Variants in SLC24A2 observed in about 807,000 individuals in gnomAD.
SLC24A2 encodes sodium/potassium/calcium exchanger 2.
In SLC24A2, 36 loss-of-function variants were observed where a neutral mutation model predicts 62.0. The ratio of observed to expected loss-of-function variants is 0.58; its 90% CI spans 0.44 to 0.77. The LOEUF is 0.77. SLC24A2 is among the 30% of genes least tolerant of loss of function. The pLI, the probability that SLC24A2 is intolerant of heterozygous loss-of-function variation, is 0.00. For synonymous variants in SLC24A2, 358 were observed against 294.0 expected, an observed-to-expected ratio of 1.22 and a Z score of -2.23; for missense variants, 846 against 817.9, an observed-to-expected ratio of 1.03 and a Z score of -0.42.
the SLC24A2 span, among the ~76,000 whole-genome samples, chr9:20,159,229 C>T: frequency 6.6e-6 from 1 of 151,626 alleles, no homozygotes. Flanking sequence ...GAAGAGTCTA[C>T]TAGAGCAATG....
At chr9:19,791,810 A>G (rs1823323513), upstream of SLC24A2, among the ~76,000 whole-genome samples, 1 of 152,226 alleles carries the variant, frequency 6.6e-6, no homozygotes, top group Non-Finnish European at 1.5e-5. Flanking sequence ...AGATTAATCA[A>G]TGGGTCTCTT....
chr9:19,880,437 G>C, the SLC24A2 span, among the ~76,000 whole-genome samples: 1 of 152,190 alleles, frequency 6.6e-6, no homozygotes, highest in Non-Finnish European at 1.5e-5. Flanking sequence ...CATTGGCTTG[G>C]ACTCTGACCC....
At chr9:19,986,313 T>C in the SLC24A2 span, among the ~76,000 whole-genome samples, 2 of 152,232 alleles carry the variant, frequency 1.3e-5, no homozygotes, top group Middle Eastern at 6.8e-3. Flanking sequence ...CCCTTGTACA[T>C]TGCTGGTGGG....
At position 19,509,971 on chromosome 9, in the gene SLC24A2, A is replaced by C. The variant is rs1832655995; in HGVS notation, c.*6182T>G. The C allele has an allele frequency of 6.6e-6, 1 of 152,228 alleles. No individual in the cohort carries two copies. The highest frequency in any genetic ancestry group is 2.4e-5 in the African/African-American group (1 of 41,468). 9.4% of individuals were successfully genotyped at this position (152,228 alleles called of 1,614,324 possible). A position where few individuals can be genotyped will look rare whatever the true frequency, so the allele number is the denominator to read the frequency against. The stretch of plus-strand genomic sequence containing the variant: ...TATAAACACACTGCAGTACTGGTTA[A>C]TAAGTGGAGATCCAATCATTTATCC... On this transcript the variant is annotated 3_prime_UTR_variant, in exon 11 of 11. Transcript: ENST00000341998.
intron 2 of SLC24A2, among the ~76,000 whole-genome samples, chr9:19,709,347 C>A (rs1035652460): frequency 2.6e-5 from 4 of 152,172 alleles, no homozygotes; most frequent in Non-Finnish European, 5.9e-5. Context: ...GTCAGTGTGG[C>A]AATTCCTTGG....
the SLC24A2 span, among the ~76,000 whole-genome samples, chr9:20,068,536 C>T: frequency 4.6e-5 from 7 of 152,238 alleles, no homozygotes; most frequent in East Asian, 7.7e-4. Context: ...AAACAAAACT[C>T]TAAAACTCTT....
intron 10 of SLC24A2, among the ~76,000 whole-genome samples, chr9:19,519,898 G>C (rs149345490): frequency 7.3e-4 from 111 of 152,276 alleles, no homozygotes; most frequent in African/African-American, 2.5e-3. Flanking sequence ...TGCTACAATT[G>C]ATAGCACAGA....
intron 2 of SLC24A2, among the ~76,000 whole-genome samples, chr9:19,764,517 G>C (rs1282362191): frequency 6.6e-6 from 1 of 152,146 alleles, no homozygotes; most frequent in Non-Finnish European, 1.5e-5. Flanking sequence ...GTTCTCATTG[G>C]TTTCAAAGAA....
chr9:20,282,950 T>C, the SLC24A2 span, among the ~76,000 whole-genome samples: 5 of 152,228 alleles, frequency 3.3e-5, no homozygotes, highest in South Asian at 1.0e-3. Flanking sequence ...TATGATAAAT[T>C]CCTCCAAGTA....
intron 2 of SLC24A2, among the ~76,000 whole-genome samples, chr9:19,757,111 T>C (rs888376687): frequency 1.3e-5 from 2 of 151,970 alleles, no homozygotes; most frequent in African/African-American, 4.8e-5. Context: ...TACCTCAAAA[T>C]TCTGGAGTCA....
At position 19,564,540 on chromosome 9, in the gene SLC24A2, GTATC is replaced by G. The variant is rs550822011; in HGVS notation, c.1347+8807_1347+8810del. Among the ~76,000 whole-genome samples, 140 of 71,554 alleles carry G rather than the reference GTATC, an allele frequency of 2.0e-3. 1 individual carries two copies. Among genetic ancestry groups the G allele is most frequent in the African/African-American group, 4.1e-3 (126 of 30,554 alleles). 46.9% of individuals were successfully genotyped at this position (71,554 alleles called of 152,430 possible). ...GTTATCTACCTACCTATCTCTCTCT[GTATC>G]TATCTGTCTATCAATCAATCACATT... On this transcript the variant is annotated intron_variant, in intron 7 of 10. Transcript: ENST00000341998.
the SLC24A2 span, among the ~76,000 whole-genome samples, chr9:20,007,567 A>G: frequency 5.9e-5 from 9 of 152,150 alleles, no homozygotes; most frequent in Non-Finnish European, 1.2e-4. Flanking sequence ...TTATAAATCC[A>G]TTTATGAGTA....
chr9:19,804,448 T>C, the SLC24A2 span, among the ~76,000 whole-genome samples: 2 of 152,172 alleles, frequency 1.3e-5, no homozygotes, highest in Non-Finnish European at 2.9e-5. Context: ...ATTTCAGTTT[T>C]CAATTTTCCA....
At chr9:19,635,250 T>G (rs73646350) in intron 2 of SLC24A2, among the ~76,000 whole-genome samples, 3,683 of 152,322 alleles carry the variant, frequency 0.024, 160 homozygotes, top group African/African-American at 0.082. Flanking sequence ...ATTAAAAATC[T>G]GTTCTAGAAT....
chr9:19,705,269 C>G (rs181828748), intron 2 of SLC24A2: 1 of 152,572 alleles, frequency 6.6e-6, no homozygotes, highest in African/African-American at 2.4e-5. Flanking sequence ...AAAAAGTTGA[C>G]TGATTGGGAA....
At chr9:19,914,987 A>G in the SLC24A2 span, among the ~76,000 whole-genome samples, 1 of 152,146 alleles carries the variant, frequency 6.6e-6, no homozygotes, top group Admixed American at 6.6e-5. Context: ...AGCCATTTTA[A>G]AGTGTGCAAT....
the SLC24A2 span, among the ~76,000 whole-genome samples, chr9:19,964,531 A>T: frequency 6.6e-6 from 1 of 152,212 alleles, no homozygotes; most frequent in Non-Finnish European, 1.5e-5. Context: ...CTGCCTGGGC[A>T]AATGAAAGGA....
At chr9:19,992,110 T>C in the SLC24A2 span, among the ~76,000 whole-genome samples, 4 of 152,206 alleles carry the variant, frequency 2.6e-5, no homozygotes, top group African/African-American at 7.2e-5. Context: ...GGGCATGTTA[T>C]CATACATGAT....
chr9:19,815,547 G>A, the SLC24A2 span, among the ~76,000 whole-genome samples: 1 of 151,812 alleles, frequency 6.6e-6, no homozygotes, highest in African/African-American at 2.4e-5. Flanking sequence ...AATATTTTTA[G>A]ACACTAATCC....
Sources: gnomAD v4.1 joint callset for allele counts (sites outside exome capture counted in the v4.1 genomes callset) on GRCh38, gnomAD v4.1.1 for gene constraint, MANE v1.5 for transcripts, NCBI Gene and HGNC (gene_info 2026-07-23, HGNC 2026-07-21) for gene names.